B4GALT3: variants seen among roughly 807,000 people sequenced by gnomAD.
B4GALT3 encodes N-acetyllactosamine synthase.
A neutral mutation model predicts 40.7 loss-of-function variants in B4GALT3; 29 were observed. The ratio of observed to expected loss-of-function variants is 0.71; its 90% CI spans 0.53 to 0.97. B4GALT3 has a LOEUF of 0.97. Ranked by LOEUF, B4GALT3 falls within the 50% of genes least tolerant of loss-of-function variation. The pLI is 0.00. For synonymous variants in B4GALT3, 182 were observed against 203.9 expected (o/e 0.89, Z 0.92); for missense variants, 390 against 522.3 (o/e 0.75, Z 2.47).
chr1:161,171,341 T>C lies in B4GALT3; in HGVS notation c.*475A>G. ...ACAAAGTCCTTTATTAGAAAATATA[T>C]CAAAATCCCAGCCCCCTGAGCCAGG... On this transcript the variant is annotated 3_prime_UTR_variant, in exon 8 of 8. Coordinates refer to ENST00000319769, the MANE Select transcript of B4GALT3 (RefSeq NM_003779.4). The C allele has an allele frequency of 8.3e-7, 1 of 1,210,258 alleles. No individual in the cohort carries two copies. The highest frequency in any genetic ancestry group is 2.0e-5 in the Admixed American group (1 of 49,344). 75.0% of individuals were successfully genotyped at this position (1,210,258 alleles called of 1,614,324 possible).
Position 161,173,643 on chromosome 1 carries a change from G to C in B4GALT3, c.765C>G (p.Tyr255Ter). The C allele has an allele frequency of 6.2e-7, 1 of 1,614,152 alleles. No homozygotes were observed. Among genetic ancestry groups the C allele is most frequent in the Non-Finnish European group, 8.5e-7 (1 of 1,180,008 alleles). ...YLKMNGFPNE[Y>*]WGWGGEDDDI... Reference sequence around the variant, plus strand: ...CGTCATCCTCACCACCCCAGCCCCAGTATTCATTGGGGAAGCCATTCATCT... The same window carrying C: ...CGTCATCCTCACCACCCCAGCCCCACTATTCATTGGGGAAGCCATTCATCT... Residue 255 changes from tyrosine (Y) to a stop codon, truncating the protein, a stop_gained, in exon 6 of 8, where the codon TAC becomes TAG. Transcript: ENST00000319769. LOFTEE classifies it high-confidence loss of function.
chr1:161,173,974 C>T lies in B4GALT3; in HGVS notation c.565G>A (p.Asp189Asn), dbSNP rs766543811. ...VREALRDEEW[D>N]CLFLHDVDLL... ...TCCACATCGTGCAAGAACAGGCAGT[C>T]CCACTCTTCATCACGCAGGGCCTCT... is the stretch of plus-strand genomic sequence containing the variant. The change falls in exon 5 of 8, where the codon GAC becomes AAC. Residue 189 changes from aspartate to asparagine, a missense_variant. Asp to Asn is a conservative substitution (Grantham distance 23). Coordinates refer to ENST00000319769, the MANE Select transcript of B4GALT3 (RefSeq NM_003779.4). The T allele has an allele frequency of 3.1e-6, 5 of 1,614,018 alleles. No homozygotes were observed. In the South Asian group the frequency reaches 5.5e-5, roughly 18 times the overall value.
intron 3 of B4GALT3, 45 bp downstream of exon 3, chr1:161,175,749 AGCCTCCCTGTCTCC>A: frequency 6.3e-7 from 1 of 1,589,478 alleles, no homozygotes; most frequent in South Asian, 1.1e-5. Flanking sequence ...CCTATCCCCA[AGCCTCCCTGTCTCC>A]GCACCTTGTC....
At chr1:161,173,821 G>A (rs1442210742) in intron 5 of B4GALT3, 38 bp downstream of exon 5, 30 of 1,609,816 alleles carry the variant, frequency 1.9e-5, no homozygotes, top group Non-Finnish European at 2.5e-5. Flanking sequence ...CAGGATAGTA[G>A]GCTTCCCTGT....
chr1:161,174,979 G>A lies in B4GALT3; in HGVS notation c.489+14C>T. On this transcript the variant is annotated intron_variant, in intron 4 of 7. Coordinates refer to ENST00000319769, the MANE Select transcript of B4GALT3 (RefSeq NM_003779.4). ...GAAGAAAGTCAGTCAAAATGAGGTG[G>A]AGATTGGGGGTACCTGGTGGATGAC... 6.2e-7 allele frequency: 1 copy of A among 1,611,198 alleles called. No homozygotes were observed. Among genetic ancestry groups the A allele is most frequent in the Non-Finnish European group, 8.5e-7 (1 of 1,178,132 alleles).
Position 161,172,221 on chromosome 1 carries a change from T to C in B4GALT3, c.908+6A>G. 6.2e-7 allele frequency: 1 copy of C among 1,613,764 alleles called. No homozygotes were observed. Among genetic ancestry groups the C allele is most frequent in the South Asian group, 1.1e-5 (1 of 91,074 alleles). On this transcript the variant is annotated splice_donor_region_variant and intron_variant, in intron 7 of 7. Coordinates refer to ENST00000319769, the MANE Select transcript of B4GALT3 (RefSeq NM_003779.4). ...CAATTCCCAGGCAGTCCTTCCTTCTTCCTACCTGTGGGGATTTTCCTCATT... is the reference window on the plus strand; with the variant it reads ...CAATTCCCAGGCAGTCCTTCCTTCTCCCTACCTGTGGGGATTTTCCTCATT...
At position 161,175,985 on chromosome 1, in the gene B4GALT3, G is replaced by A; in HGVS notation, c.76C>T (p.Leu26=). ...AGACTTCGGAAGCCCCCCAGTGACA[G>A]GTACATCATGACAGCCAGCTGGGAG... ...VGSQLAVMMY[L]SLGGFRSLSA... The change falls in exon 3 of 8, where the codon CTG becomes TTG. Residue 26 remains leucine, a synonymous_variant. Coordinates refer to ENST00000319769, the MANE Select transcript of B4GALT3 (RefSeq NM_003779.4). The A allele has an allele frequency of 6.2e-7, 1 of 1,614,126 alleles. No individual in the cohort carries two copies. The highest frequency in any genetic ancestry group is 8.5e-7 in the Non-Finnish European group (1 of 1,180,030).
intron 6 of B4GALT3, chr1:161,172,541 A>C: frequency 1.8e-6 from 1 of 545,950 alleles, no homozygotes. Context: ...AGTGCCAGTC[A>C]CCCTAGGGCC....
Position 161,175,013 on chromosome 1 carries a change from C to T in B4GALT3, c.469G>A (p.Gly157Ser). Residue 157 changes from glycine (G) to serine (S), a missense_variant, in exon 4 of 8, where the codon GGC becomes AGC. This residue lies in a region of B4GALT3 where 183 missense variants were observed against 223.2 expected (regional missense o/e 0.82). Transcript: ENST00000319769. ...GGTACCTGGTGGATGACATAGATGC[C>T]ATAAGCAAGCTGCTGGCGCTGCAAG... is the stretch of plus-strand genomic sequence containing the variant. ...PFLQRQQLAY[G>S]IYVIHQAGNG... The T allele has an allele frequency of 6.2e-7, 1 of 1,613,578 alleles. No homozygotes were observed. Among genetic ancestry groups the T allele is most frequent in the East Asian group, 2.2e-5 (1 of 44,868 alleles).
At chr1:161,174,856 C>T (rs765190269) in intron 4 of B4GALT3, 137 bp downstream of exon 4, 21 of 863,316 alleles carry the variant, frequency 2.4e-5, no homozygotes, top group African/African-American at 1.4e-4. Context: ...AGAGCAGTGC[C>T]GGGTGCTTCT....
chr1:161,172,189 C>G, intron 7 of B4GALT3, 38 bp downstream of exon 7: 1 of 1,611,938 alleles, frequency 6.2e-7, no homozygotes, highest in East Asian at 2.2e-5. Flanking sequence ...CCCTGAGGAT[C>G]CAGTAACAAT....
chr1:161,177,438 C>T lies in B4GALT3; in HGVS notation c.-176G>A, dbSNP rs778228478. The T allele has an allele frequency of 3.5e-4, 62 of 179,444 alleles. 1 individual carries two copies. The highest frequency in any genetic ancestry group is 5.9e-4 in the Non-Finnish European group (50 of 84,048). 11.1% of individuals were successfully genotyped at this position (179,444 alleles called of 1,614,324 possible). ...GCGCACATACCTGGTCTTTTGCTGC[C>T]TGTCGTCACCGCCACCCCAACAGCC... is the stretch of plus-strand genomic sequence containing the variant. On this transcript the variant is annotated 5_prime_UTR_variant, in exon 1 of 8. Transcript: ENST00000319769.
chr1:161,176,692 G>C (rs1663655242), intron 1 of B4GALT3, 113 bp from the exon 2 acceptor site: 1 of 622,372 alleles, frequency 1.6e-6, no homozygotes. Flanking sequence ...GAAAGGAAGA[G>C]GAGGAGCAGG....
intron 4 of B4GALT3, 67 bp downstream of exon 4, chr1:161,174,926 G>C (rs1424380037): frequency 6.6e-7 from 1 of 1,507,340 alleles, no homozygotes; most frequent in East Asian, 2.3e-5. Flanking sequence ...AGATGAAAGT[G>C]AAGTGGCATG....
chr1:161,171,995 A>G lies in B4GALT3; in HGVS notation c.1003T>C (p.Tyr335His). 6.2e-7 allele frequency: 1 copy of G among 1,614,120 alleles called. No individual in the cohort carries two copies. Among genetic ancestry groups the G allele is most frequent in the Non-Finnish European group, 8.5e-7 (1 of 1,180,012 alleles). ...QLLARELGPL[Y>H]TNITADIGTD... ...CCAATGTCTGCTGTGATGTTGGTAT[A>G]AAGAGGCCCCAGCTCTCGAGCCAGC... is the stretch of plus-strand genomic sequence containing the variant. Residue 335 changes from tyrosine (Y) to histidine (H), a missense_variant, in exon 8 of 8, where the codon TAT becomes CAT. Tyr to His is a moderately conservative substitution (Grantham distance 83). This residue lies in a region of B4GALT3 where 135 missense variants were observed against 227.8 expected (regional missense o/e 0.59). Coordinates refer to ENST00000319769, the MANE Select transcript of B4GALT3 (RefSeq NM_003779.4).
At chr1:161,174,299 C>G (rs150688667) in intron 4 of B4GALT3, among the ~76,000 whole-genome samples, 1 of 151,248 alleles carries the variant, frequency 6.6e-6, no homozygotes, top group East Asian at 1.9e-4. Flanking sequence ...CCCAGCTACT[C>G]AGGAGGCTGA....
In B4GALT3 at chr1:161,171,843, G is replaced by A. The variant is rs1661550571; in HGVS notation, c.1155C>T (p.Asn385=). Residue 385 remains asparagine (N), a synonymous_variant, in exon 8 of 8, where the codon AAC becomes AAT. Coordinates refer to ENST00000319769, the MANE Select transcript of B4GALT3 (RefSeq NM_003779.4). ...AGTGTGAACCTCGGAGGGCTGTGTG[G>A]TTGGCAGTAGATAGAGGCCCAGGCC... ...PARPGPLSTA[N]HTALRGSH The A allele has an allele frequency of 6.2e-7, 1 of 1,614,142 alleles. No individual in the cohort carries two copies. Among genetic ancestry groups the A allele is most frequent in the Non-Finnish European group, 8.5e-7 (1 of 1,180,026 alleles).
chr1:161,174,902 C>T, intron 4 of B4GALT3, 91 bp downstream of exon 4: 1 of 1,370,452 alleles, frequency 7.3e-7, no homozygotes. Context: ...TAAAATTATT[C>T]TAGGGACCCA....
rs745986761 is a variant in B4GALT3, at chr1:161,171,867, C to T, written c.1131G>A (p.Arg377=). 1 of 1,614,176 alleles carries T rather than the reference C, an allele frequency of 6.2e-7. No individual in the cohort carries two copies. The highest frequency in any genetic ancestry group is 2.2e-5 in the East Asian group (1 of 44,882). ...QEMLQRRPPA[R]PGPLSTANHT... is the part of the protein sequence containing the mutation. ...GGTTGGCAGTAGATAGAGGCCCAGG[C>T]CTGGCTGGGGGCCGGCGTTGCAGCA... The change falls in exon 8 of 8, where the codon AGG becomes AGA. Residue 377 remains arginine (R), a synonymous_variant. Coordinates refer to ENST00000319769, the MANE Select transcript of B4GALT3 (RefSeq NM_003779.4).
Sources: allele counts gnomAD v4.1 joint callset (sites outside exome capture counted in the v4.1 genomes callset), GRCh38; gene constraint gnomAD v4.1.1; regional missense constraint gnomAD v4.1.1; transcripts MANE v1.5; gene names NCBI Gene and HGNC (gene_info 2026-07-23, HGNC 2026-07-21).